The following ZNF846 variants were observed in gnomAD, a reference collection of about 807,000 sequenced individuals.
The protein encoded by ZNF846 is zinc finger protein 420 pseudogene.
ZNF846 carries 15 observed loss-of-function variants against 16.0 expected under a neutral mutation model. The observed-to-expected ratio is 0.94, with a 90% CI of 0.63 to 1.45. ZNF846 has a LOEUF of 1.45. ZNF846 is among the 40% of genes most tolerant of loss of function. ZNF846 has a pLI of 0.00. For missense variants in ZNF846, 714 were observed against 622.3 expected, an observed-to-expected ratio of 1.15 and a Z score of -1.57; for synonymous variants, 229 against 212.0, an observed-to-expected ratio of 1.08 and a Z score of -0.70.
Position 9,758,672 on chromosome 19 carries a change from A to G in ZNF846, c.405T>C (p.Thr135=), listed in dbSNP as rs192422051. 8.4e-4 allele frequency: 1,356 copies of G among 1,612,558 alleles called. 2 individuals carry two copies. Among genetic ancestry groups the G allele is most frequent in the Admixed American group, 1.9e-3 (114 of 59,948 alleles). Residue 135 remains threonine (T), a synonymous_variant, in exon 6 of 6, where the codon ACT becomes ACC. Coordinates refer to ENST00000397902, the Ensembl canonical transcript of ZNF846. ...CCTCAGAAGTTTTCTCTCCAATGTG[A>G]GTTATCATGTGAGTCATAAGAAATG...
intron 1 of ZNF846, among the ~76,000 whole-genome samples, chr19:9,780,880 A>G (rs778133536): frequency 1.2e-4 from 19 of 152,212 alleles, no homozygotes; most frequent in Non-Finnish European, 2.6e-4. Context: ...TGCACATTAG[A>G]TTCACTGGAG....
chr19:9,750,843 ACTTTAGCTGCAGTTGTC>A (rs571067740), downstream of ZNF846, among the ~76,000 whole-genome samples: 17 of 152,274 alleles, frequency 1.1e-4, no homozygotes, highest in Admixed American at 3.9e-4. Flanking sequence ...CCAGGTTGAC[ACTTTAGCTGCAGTTGTC>A]CTCCAGAACT....
At chr19:9,749,553 T>A (rs1211451747), downstream of ZNF846, among the ~76,000 whole-genome samples, 1 of 150,734 alleles carries the variant, frequency 6.6e-6, no homozygotes, top group Non-Finnish European at 1.5e-5. Flanking sequence ...TTTCTTTTTT[T>A]TTTTTTTTTT....
chr19:9,761,984 A>C, intron 4 of ZNF846, 98 bp downstream of exon 4: 1 of 949,384 alleles, frequency 1.1e-6, no homozygotes, highest in Non-Finnish European at 1.7e-6. Flanking sequence ...GAAGAAGAGT[A>C]TACCCTGAGA....
At chr19:9,765,609 T>C (rs7245389) in intron 1 of ZNF846, among the ~76,000 whole-genome samples, 55,353 of 150,326 alleles carry the variant, frequency 0.37, 14,435 homozygotes, top group African/African-American at 0.74. Flanking sequence ...GGTGGCAGAG[T>C]TTGCAGTGAG....
intron 1 of ZNF846, among the ~76,000 whole-genome samples, chr19:9,783,211 T>C (rs1003146192): frequency 7.2e-6 from 1 of 138,598 alleles, no homozygotes; most frequent in African/African-American, 2.7e-5. Context: ...GACTTCTCCC[T>C]ATAATTCTTT....
chr19:9,773,734 A>G (rs972204080), intron 1 of ZNF846, among the ~76,000 whole-genome samples: 3 of 152,166 alleles, frequency 2.0e-5, no homozygotes, highest in Non-Finnish European at 4.4e-5. Flanking sequence ...GTGAGCCGAG[A>G]TTGCACCACT....
intron 2 of ZNF846, 145 bp downstream of exon 2, chr19:9,764,791 G>C (rs1360567736): frequency 1.1e-6 from 1 of 939,132 alleles, no homozygotes; most frequent in East Asian, 2.4e-5. Context: ...GAGATGGCTT[G>C]GTTCCTAGAG....
chr19:9,752,977 A>G (rs2045098753), downstream of ZNF846, among the ~76,000 whole-genome samples: 1 of 148,498 alleles, frequency 6.7e-6, no homozygotes, highest in African/African-American at 2.6e-5. Flanking sequence ...ATTAGGTCAA[A>G]GCTCAAGGTA....
At chr19:9,758,008 C>T (rs139394148) in exon 6 of ZNF846, 1 of 1,613,306 alleles carries the variant, frequency 6.2e-7, no homozygotes, top group South Asian at 1.1e-5. Context: ...TGAATCCTTA[C>T]ATGTTTTGTA....
intron 1 of ZNF846, among the ~76,000 whole-genome samples, chr19:9,778,084 T>C (rs2045465170): frequency 6.6e-6 from 1 of 151,906 alleles, no homozygotes. Context: ...TAAATAAATA[T>C]AAATTTTCCC....
chr19:9,764,701 A>G (rs926955128), intron 2 of ZNF846: 107 of 550,028 alleles, frequency 1.9e-4, no homozygotes, highest in Admixed American at 3.1e-4. Flanking sequence ...TCTGCCTGGG[A>G]ACAAAGAGAG....
At chr19:9,751,366 A>G (rs1303831938), downstream of ZNF846, among the ~76,000 whole-genome samples, 1 of 152,138 alleles carries the variant, frequency 6.6e-6, no homozygotes, top group Non-Finnish European at 1.5e-5. Flanking sequence ...CCAAGTTTTC[A>G]CTATTCTTAT....
chr19:9,752,467 T>A (rs1417868515), intron 5 of ZNF846: 1 of 419,078 alleles, frequency 2.4e-6, no homozygotes, highest in African/African-American at 2.1e-5. Flanking sequence ...TACACAAAAT[T>A]AGCTGAGCTT....
exon 6 of ZNF846, chr19:9,752,140 G>T (rs928713291): frequency 6.5e-6 from 1 of 152,878 alleles, no homozygotes; most frequent in East Asian, 1.9e-4. Flanking sequence ...ACTAATACAC[G>T]TGACTATTTC....
At chr19:9,766,015 C>T (rs2045309921) in intron 1 of ZNF846, among the ~76,000 whole-genome samples, 1 of 152,152 alleles carries the variant, frequency 6.6e-6, no homozygotes, top group Non-Finnish European at 1.5e-5. Context: ...AACTATCAGA[C>T]AGTAAGAATA....
downstream of ZNF846, among the ~76,000 whole-genome samples, chr19:9,753,219 AATTTATTT>A (rs57885198): frequency 7.0e-3 from 937 of 134,552 alleles, 19 homozygotes; most frequent in African/African-American, 0.017. Context: ...GAGGAGACAA[AATTTATTT>A]ATTTATTTAT....
In ZNF846 at chr19:9,757,537, T is replaced by C. The variant is rs200489736; in HGVS notation, c.1540A>G (p.Asn514Asp). 2.0e-4 allele frequency: 316 copies of C among 1,611,852 alleles called. 5 individuals carry two copies. The highest frequency in any genetic ancestry group is 1.9e-3 in the South Asian group (172 of 90,670). Residue 514 changes from asparagine (N) to aspartate (D), a missense_variant, in exon 6 of 6, where the codon AAC (asparagine) becomes GAC (aspartate). Transcript: ENST00000397902. Reference sequence around the variant, plus strand: ...GCAAGTGCTGAAGATTGAGTGAAGTTTTTCCCACATTTCTTACATTCATAT... The same window carrying C: ...GCAAGTGCTGAAGATTGAGTGAAGTCTTTCCCACATTTCTTACATTCATAT...
chr19:9,757,969 C>G (rs2045159148), exon 6 of ZNF846: 1 of 1,613,642 alleles, frequency 6.2e-7, no homozygotes, highest in Admixed American at 1.7e-5. Flanking sequence ...TTCCCACATG[C>G]CTTACATAAA....
Sources: allele counts gnomAD v4.1 joint callset (sites outside exome capture counted in the v4.1 genomes callset), GRCh38; gene constraint gnomAD v4.1.1; transcripts MANE v1.5; gene names NCBI Gene and HGNC (gene_info 2026-07-23, HGNC 2026-07-21).